The following SLMAP variants were observed in gnomAD, a reference collection of about 807,000 sequenced individuals.
The protein encoded by SLMAP is sarcolemmal membrane-associated protein.
A neutral mutation model predicts 128.8 loss-of-function variants in SLMAP; 44 were observed. The observed-to-expected ratio is 0.34, with a 90% CI of 0.27 to 0.44. The LOEUF is 0.44. Ranked by LOEUF, SLMAP falls within the 20% of genes least tolerant of loss-of-function variation. SLMAP has a pLI of 1.00. For synonymous variants in SLMAP, 327 were observed against 348.8 expected (o/e 0.94, Z 0.70); for missense variants, 787 against 985.3 (o/e 0.80, Z 2.69).
chr3:57,885,481 G>A lies in SLMAP; in HGVS notation c.1301-4560G>A, dbSNP rs189195559. The stretch of plus-strand genomic sequence containing the variant: ...GTCGCCCAGGCTAGAGTGCAGTGGT[G>A]CGATCTCGGCTCACCACAACCTCCA... On this transcript the variant is annotated intron_variant, in intron 14 of 24. Coordinates refer to ENST00000671191, the MANE Select transcript of SLMAP (RefSeq NM_001377540.1). 3.0e-3 allele frequency among the ~76,000 whole-genome samples: 410 copies of A among 135,502 alleles called. 3 individuals carry two copies. Among genetic ancestry groups the A allele is most frequent in the African/African-American group, 0.011 (397 of 36,746 alleles). The allele number at this position is 135,502 out of a possible 152,430, so 88.9% of individuals were successfully genotyped here.
At chr3:57,909,474 C>T (rs2096642054) in intron 19 of SLMAP, among the ~76,000 whole-genome samples, 1 of 148,272 alleles carries the variant, frequency 6.7e-6, no homozygotes, top group Non-Finnish European at 1.5e-5. Flanking sequence ...TGCACTCCAG[C>T]CTGGGTGACA....
At chr3:57,909,563 T>G (rs1218675938) in intron 19 of SLMAP, among the ~76,000 whole-genome samples, 2 of 151,106 alleles carry the variant, frequency 1.3e-5, no homozygotes, top group Non-Finnish European at 2.9e-5. Flanking sequence ...TTTTCATGGC[T>G]TTGATTCTCT....
rs975508673 is a variant in SLMAP at position 57,916,831 on chromosome 3, T to A, written c.2139-75T>A. The A allele has an allele frequency of 4.8e-5, 56 of 1,163,702 alleles. 1 individual carries two copies. The highest frequency in any genetic ancestry group is 6.6e-5 in the Non-Finnish European group (53 of 801,720). The allele number at this position is 1,163,702 out of a possible 1,614,324, so 72.1% of individuals were successfully genotyped here. On this transcript the variant is annotated intron_variant, in intron 21 of 24. Transcript: ENST00000671191. ...ATCCACTCTATCCCTTCTAGTGAAA[T>A]GTATAAGAAACTGGACTTCCTTCTG...
chr3:57,798,254 GCTGT>G (rs141942292), intron 2 of SLMAP, among the ~76,000 whole-genome samples: 1,920 of 152,262 alleles, frequency 0.013, 29 homozygotes, highest in African/African-American at 0.044. Flanking sequence ...GATTGCTGAA[GCTGT>G]CTGTTTGTGA....
intron 15 of SLMAP, 192 bp downstream of exon 15, chr3:57,890,292 T>G (rs1015980111): frequency 9.7e-5 from 47 of 486,034 alleles, no homozygotes; most frequent in Non-Finnish European, 1.6e-4. Context: ...GTAACTGGAA[T>G]GTGTCTTTTT....
chr3:57,877,831 C>CTT lies in SLMAP; in HGVS notation c.1300+6154_1300+6155dup, dbSNP rs57685937. On this transcript the variant is annotated intron_variant, in intron 14 of 24. Coordinates refer to ENST00000671191, the MANE Select transcript of SLMAP (RefSeq NM_001377540.1). Reference sequence around the variant, plus strand: ...TTGAATTCTAAATGCTTTTTTCCTTCTTTTTTTTTTTTTTTTTTTTTTAAA... The same window carrying CTT: ...TTGAATTCTAAATGCTTTTTTCCTTCTTTTTTTTTTTTTTTTTTTTTTTTAAA... 3.0e-3 allele frequency among the ~76,000 whole-genome samples: 335 copies of CTT among 111,624 alleles called. 3 individuals are homozygous for CTT. The highest frequency in any genetic ancestry group is 9.7e-3 in the African/African-American group (288 of 29,750). 73.2% of individuals were successfully genotyped at this position (111,624 alleles called of 152,430 possible). A position where few individuals can be genotyped will look rare whatever the true frequency, so the allele number is the denominator to read the frequency against.
At chr3:57,780,464 A>G (rs758728515) in intron 2 of SLMAP, among the ~76,000 whole-genome samples, 2 of 152,102 alleles carry the variant, frequency 1.3e-5, no homozygotes, top group Non-Finnish European at 2.9e-5. Context: ...TTAATTTTCT[A>G]TAACATATTT....
Position 57,865,236 on chromosome 3 carries a change from T to C in SLMAP, c.1187-6T>C. Reference sequence around the variant, plus strand: ...ATCAGGCAATGATATACTGTCTTAATCCTAGGGATACAAGTTGATGACTTC... The same window carrying C: ...ATCAGGCAATGATATACTGTCTTAACCCTAGGGATACAAGTTGATGACTTC... On this transcript the variant is annotated splice_region_variant and splice_polypyrimidine_tract_variant and intron_variant, in intron 12 of 24. Transcript: ENST00000671191. The C allele has an allele frequency of 6.8e-7, 1 of 1,479,414 alleles. No individual in the cohort carries two copies. The highest frequency in any genetic ancestry group is 9.2e-7 in the Non-Finnish European group (1 of 1,090,958). The allele number at this position is 1,479,414 out of a possible 1,614,324, so 91.6% of individuals were successfully genotyped here.
intron 19 of SLMAP, among the ~76,000 whole-genome samples, chr3:57,911,943 A>G (rs1480499132): frequency 1.3e-5 from 2 of 151,298 alleles, no homozygotes; most frequent in African/African-American, 4.8e-5. Flanking sequence ...AAAAAAAAAA[A>G]AAAAAAGGAT....
At chr3:57,821,338 C>A (rs1410619779) in intron 2 of SLMAP, among the ~76,000 whole-genome samples, 1 of 152,150 alleles carries the variant, frequency 6.6e-6, no homozygotes, top group Non-Finnish European at 1.5e-5. Flanking sequence ...GGCAAATTAA[C>A]ATCATTTGTA....
chr3:57,801,555 A>G (rs2088372704), intron 2 of SLMAP: 2 of 152,194 alleles, frequency 1.3e-5, no homozygotes, highest in South Asian at 4.1e-4. Flanking sequence ...GCAGGCCCAC[A>G]GACATTTTTT....
At chr3:57,886,367 G>A (rs1383403017) in intron 14 of SLMAP, among the ~76,000 whole-genome samples, 1 of 152,128 alleles carries the variant, frequency 6.6e-6, no homozygotes, top group East Asian at 1.9e-4. Context: ...CCAATGTGCT[G>A]GGATTACAGG....
intron 2 of SLMAP, among the ~76,000 whole-genome samples, chr3:57,808,281 ATTTCTT>A (rs1227733049): frequency 6.6e-6 from 1 of 150,816 alleles, no homozygotes; most frequent in Non-Finnish European, 1.5e-5. Context: ...CATCTTAGTT[ATTTCTT>A]GTCTTTTGCT....
chr3:57,847,209 A>T lies in SLMAP; in HGVS notation c.432A>T (p.Ala144=). 6.2e-7 allele frequency: 1 copy of T among 1,606,828 alleles called. No homozygotes were observed. Among genetic ancestry groups the T allele is most frequent in the African/African-American group, 1.3e-5 (1 of 74,866 alleles). Residue 144 remains alanine, a synonymous_variant, in exon 5 of 25, where the codon GCA becomes GCT. Transcript: ENST00000671191. ...EARLRSDVIH[A]PLPSPVDKVA... Reference sequence around the variant, plus strand: ...TTTTACTTTTCAGTGTCATCCATGCACCATTACCAAGTCCTGTTGACAAAG... The same window carrying T: ...TTTTACTTTTCAGTGTCATCCATGCTCCATTACCAAGTCCTGTTGACAAAG...
intron 2 of SLMAP, among the ~76,000 whole-genome samples, chr3:57,810,896 G>A (rs998567851): frequency 4.6e-5 from 7 of 152,098 alleles, no homozygotes; most frequent in Non-Finnish European, 8.8e-5. Context: ...ACTTTGAACT[G>A]CTCCATGTCC....
intron 5 of SLMAP, among the ~76,000 whole-genome samples, chr3:57,847,762 A>G (rs2094322591): frequency 6.6e-6 from 1 of 152,198 alleles, no homozygotes; most frequent in African/African-American, 2.4e-5. Flanking sequence ...TTTCATTGCT[A>G]ATTAGCCCCC....
intron 14 of SLMAP, among the ~76,000 whole-genome samples, chr3:57,877,635 A>C (rs556088801): frequency 1.3e-5 from 2 of 152,126 alleles, no homozygotes; most frequent in African/African-American, 4.8e-5. Context: ...TCATTTCCCT[A>C]GTCAGCCCAC....
chr3:57,783,341 A>G (rs966435567), intron 2 of SLMAP, among the ~76,000 whole-genome samples: 5 of 152,226 alleles, frequency 3.3e-5, no homozygotes, highest in Non-Finnish European at 5.9e-5. Context: ...GGAAGAGAGA[A>G]ATATCTTACT....
At chr3:57,913,650 A>G (rs1486354981) in intron 21 of SLMAP, among the ~76,000 whole-genome samples, 1 of 152,184 alleles carries the variant, frequency 6.6e-6, no homozygotes, top group African/African-American at 2.4e-5. Flanking sequence ...GTGATCAGGA[A>G]GTGACTATAA....
Sources: gnomAD v4.1 joint callset for allele counts (sites outside exome capture counted in the v4.1 genomes callset) on GRCh38, gnomAD v4.1.1 for gene constraint, MANE v1.5 for transcripts, NCBI Gene and HGNC (gene_info 2026-07-23, HGNC 2026-07-21) for gene names.